The following CDON variants were observed in gnomAD, a reference collection of about 807,000 sequenced individuals.
The protein encoded by CDON is cell adhesion molecule-related/down-regulated by oncogenes.
Under a neutral mutation model 120.9 loss-of-function variants are expected in CDON, and 73 were observed. That is an observed-to-expected ratio of 0.60 (90% CI 0.50 to 0.73). The LOEUF (loss-of-function observed/expected upper bound fraction) is 0.73. Among genes scored for constraint, CDON ranks in the 30% least tolerant of loss-of-function variants. CDON has a pLI of 0.00. For missense variants in CDON, 1,470 were observed against 1,587.3 expected (o/e 0.93, Z 1.26); for synonymous variants, 566 against 573.5 (o/e 0.99, Z 0.19).
intron 6 of CDON, among the ~76,000 whole-genome samples, chr11:126,016,212 T>C (rs561239964): frequency 1.2e-4 from 19 of 152,314 alleles, no homozygotes; most frequent in African/African-American, 3.8e-4. Flanking sequence ...ATGAAACCAC[T>C]TTCCACCTAA....
Position 126,017,244 on chromosome 11 carries a change from C to T in CDON, c.772G>A (p.Asp258Asn). The T allele has an allele frequency of 6.2e-7, 1 of 1,614,124 alleles. No individual in the cohort carries two copies. The highest frequency in any genetic ancestry group is 8.5e-7 in the Non-Finnish European group (1 of 1,180,028). ...VPAPQVYWLK[D>N]GQDIAPGSNW... Reference sequence around the variant, plus strand: ...CTTCCTGGTGCAATGTCCTGCCCGTCCTTTAGCCAATACACTTGAGGAGCC... The same window carrying T: ...CTTCCTGGTGCAATGTCCTGCCCGTTCTTTAGCCAATACACTTGAGGAGCC... Residue 258 changes from aspartate (D) to asparagine (N), a missense_variant, in exon 6 of 20, where the codon GAC becomes AAC. Transcript: ENST00000531738.
chr11:126,052,172 A>G (rs923190630), intron 1 of CDON, among the ~76,000 whole-genome samples: 1 of 152,234 alleles, frequency 6.6e-6, no homozygotes, highest in African/African-American at 2.4e-5. Flanking sequence ...AAAGACCTAC[A>G]TACAGTCAAA....
chr11:126,033,846 G>A lies in CDON; in HGVS notation c.-61-10309C>T, dbSNP rs569325025. On this transcript the variant is annotated intron_variant, in intron 1 of 19. Coordinates refer to ENST00000531738, the MANE Select transcript of CDON (RefSeq NM_001378964.1). ...CTATCTAATAGCATGCTACTCTCTG[G>A]GGCGTATGGGGGTTCTTTTAGAAAC... Among the ~76,000 whole-genome samples the A allele has an allele frequency of 3.1e-4, 47 of 152,192 alleles. 1 individual carries two copies. The highest frequency in any genetic ancestry group is 1.1e-3 in the African/African-American group (46 of 41,522).
At position 126,017,119 on chromosome 11, in the gene CDON, T is replaced by G. The variant is rs145701554; in HGVS notation, c.897A>C (p.Val299=). The change falls in exon 6 of 20, where the codon GTA becomes GTC. Residue 299 remains valine, a synonymous_variant. Coordinates refer to ENST00000531738, the MANE Select transcript of CDON (RefSeq NM_001378964.1). ...SCMAGNKSGD[V]KYVTYMVNVL... ...CATTAACCATGTAAGTCACATATTT[T>G]ACATCTCCAGACTTGTTTCCCGCCA... 9.3e-6 allele frequency: 15 copies of G among 1,614,198 alleles called. No individual in the cohort carries two copies. The highest frequency in any genetic ancestry group is 1.3e-5 in the African/African-American group (1 of 75,068).
Position 125,961,997 on chromosome 11 carries a change from A to C in CDON, c.3358T>G (p.Cys1120Gly), listed in dbSNP as rs780803621. 4.3e-6 allele frequency: 7 copies of C among 1,613,570 alleles called. No homozygotes were observed. The Admixed American group carries it at 5.0e-5, about 12-fold the overall frequency. The change falls in exon 19 of 20, where the codon TGT becomes GGT. Residue 1120 changes from cysteine to glycine, a missense_variant and splice_region_variant. Physicochemically the swap from Cys to Gly is radical, Grantham distance 159. Transcript: ENST00000531738. The stretch of plus-strand genomic sequence containing the variant: ...AAAGTGCTGTTGGTTTTGGTGAAAC[A>C]CCTGCAGAGGTTAAACCAAAAGAAA... Reference protein sequence around the residue: ...NCRNCRNNNRCFTKTNSTFSS... With the variant: ...NCRNCRNNNRGFTKTNSTFSS...
intron 11 of CDON, among the ~76,000 whole-genome samples, chr11:125,999,946 C>T (rs1946893388): frequency 6.6e-6 from 1 of 152,184 alleles, no homozygotes; most frequent in African/African-American, 2.4e-5. Context: ...AGCCACTTGT[C>T]GAGATGTCTT....
chr11:125,985,528 T>C (rs1946436524), intron 15 of CDON, among the ~76,000 whole-genome samples: 1 of 152,166 alleles, frequency 6.6e-6, no homozygotes, highest in African/African-American at 2.4e-5. Flanking sequence ...CTGTCAATTA[T>C]CTAGTGGTAA....
chr11:126,050,039 G>A (rs1224116508), intron 1 of CDON, among the ~76,000 whole-genome samples: 1 of 152,012 alleles, frequency 6.6e-6, no homozygotes, highest in Non-Finnish European at 1.5e-5. Context: ...GGATCCCAGT[G>A]GCTAGGGGAA....
In CDON at chr11:126,021,431, T is replaced by C. The variant is rs751578730; in HGVS notation, c.166A>G (p.Thr56Ala). 2 of 1,614,056 alleles carry C rather than the reference T, an allele frequency of 1.2e-6. No homozygotes were observed. The highest frequency in any genetic ancestry group is 1.7e-5 in the Admixed American group (1 of 60,016). Residue 56 changes from threonine (T) to alanine (A), a missense_variant, in exon 3 of 20, where the codon ACC becomes GCC. Transcript: ENST00000531738. ...VVLHCSAQPV[T>A]TRISWLHNGK... is the part of the protein sequence containing the mutation. ...TTATGCAGCCATGAGATACGAGTGG[T>C]CACAGGTTGAGCAGAACAATGCAGT...
chr11:126,054,931 T>C (rs952736372), intron 1 of CDON, among the ~76,000 whole-genome samples: 4 of 152,128 alleles, frequency 2.6e-5, no homozygotes, highest in African/African-American at 7.2e-5. Flanking sequence ...CGAGAAAGCA[T>C]GGTATATTCA....
chr11:126,040,814 C>CAAAAAAAAA (rs71048763), intron 1 of CDON, among the ~76,000 whole-genome samples: 6 of 45,018 alleles, frequency 1.3e-4, no homozygotes, highest in African/African-American at 4.1e-4. Flanking sequence ...GACTCCGTCT[C>CAAAAAAAAA]AAAAAAAAAA....
At chr11:126,018,196 A>G (rs1947527292) in intron 5 of CDON, 134 bp downstream of exon 5, 1 of 926,808 alleles carries the variant, frequency 1.1e-6, no homozygotes, top group African/African-American at 1.6e-5. Flanking sequence ...CACCACACCT[A>G]GCCTGTATTT....
At chr11:126,001,291 G>T (rs891817707) in intron 11 of CDON, among the ~76,000 whole-genome samples, 1 of 150,984 alleles carries the variant, frequency 6.6e-6, no homozygotes, top group Non-Finnish European at 1.5e-5. Context: ...AGACTCAAGC[G>T]ATCCTCCCAC....
rs544581759 is a variant in CDON, at chr11:126,010,030, AAT to A, written c.1552+309_1552+310del. ...TATCAAGGGCATAAAAAATGTCTGC[AAT>A]ATCATTTTCGGTAGCTTAGAAAACC... On this transcript the variant is annotated intron_variant, in intron 8 of 19. Coordinates refer to ENST00000531738, the MANE Select transcript of CDON (RefSeq NM_001378964.1). 1.4e-4 allele frequency among the ~76,000 whole-genome samples: 21 copies of A among 152,338 alleles called. No homozygotes were observed. The South Asian group carries it at 2.1e-3, about 15-fold the overall frequency.
At chr11:125,988,831 A>G (rs992690988) in intron 15 of CDON, among the ~76,000 whole-genome samples, 11 of 152,170 alleles carry the variant, frequency 7.2e-5, no homozygotes, top group African/African-American at 2.7e-4. Flanking sequence ...ACTTAATTAA[A>G]CAAGTAGATA....
intron 14 of CDON, 142 bp from the exon 15 acceptor site, chr11:125,989,901 A>C (rs1946583187): frequency 1.4e-6 from 1 of 719,756 alleles, no homozygotes. Flanking sequence ...ACTTAATAGT[A>C]AGTATTTGAC....
Position 126,019,864 on chromosome 11 carries a change from C to G in CDON, c.350-99G>C, listed in dbSNP as rs986479615. 14 of 1,078,396 alleles carry G rather than the reference C, an allele frequency of 1.3e-5. No homozygotes were observed. In the African/African-American group the frequency reaches 2.0e-4, roughly 16 times the overall value. The allele number at this position is 1,078,396 out of a possible 1,614,324, so 66.8% of individuals were successfully genotyped here. ...TTAGAAACAACATCTGCAGCACGGCCTTTTGTGGCAGCTGACCCCAGTCCA... is the reference window on the plus strand; with the variant it reads ...TTAGAAACAACATCTGCAGCACGGCGTTTTGTGGCAGCTGACCCCAGTCCA... On this transcript the variant is annotated intron_variant, in intron 3 of 19. Coordinates refer to ENST00000531738, the MANE Select transcript of CDON (RefSeq NM_001378964.1).
intron 14 of CDON, among the ~76,000 whole-genome samples, chr11:125,993,388 C>T (rs202233866): frequency 4.0e-4 from 24 of 59,686 alleles, no homozygotes; most frequent in South Asian, 2.6e-3. Flanking sequence ...CACATGCGCG[C>T]GTGCGTGCAC....
chr11:126,052,707 C>T (rs1448611775), intron 1 of CDON, among the ~76,000 whole-genome samples: 1 of 151,726 alleles, frequency 6.6e-6, no homozygotes, highest in Non-Finnish European at 1.5e-5. Flanking sequence ...CTTGTAATCC[C>T]AGCTACTTGG....
Sources: allele counts gnomAD v4.1 joint callset (sites outside exome capture counted in the v4.1 genomes callset), GRCh38; gene constraint gnomAD v4.1.1; transcripts MANE v1.5; gene names NCBI Gene and HGNC (gene_info 2026-07-23, HGNC 2026-07-21).